HOXB7: variants seen among roughly 807,000 people sequenced by gnomAD.
HOXB7 encodes the protein homeobox protein Hox-B7.
HOXB7 carries 11 observed loss-of-function variants against 19.2 expected under a neutral mutation model. The observed-to-expected ratio is 0.57, with a 90% confidence interval of 0.36 to 0.95. The LOEUF (loss-of-function observed/expected upper bound fraction) is 0.95. Ranked by LOEUF, HOXB7 falls within the 40% of genes least tolerant of loss-of-function variation. The pLI is 0.01. For synonymous variants in HOXB7, 141 were observed against 130.2 expected (o/e 1.08, Z -0.56); for missense variants, 318 against 301.1 (o/e 1.06, Z -0.42).
At chr17:48,609,774 G>A (rs969558247) in intron 1 of HOXB7, among the ~76,000 whole-genome samples, 7 of 152,096 alleles carry the variant, frequency 4.6e-5, no homozygotes, top group Non-Finnish European at 8.8e-5. Flanking sequence ...GCCCTAGGAA[G>A]AGCACCTCAG....
In HOXB7 at chr17:48,610,812, G is replaced by T; in HGVS notation, c.107C>A (p.Ser36Tyr). ...TCCATAGCCCGGGCGCTGGGGGTTG[G>T]AAGCAAACGCACAAGAAGTTTGTTC... ...FPEQTSCAFA[S>Y]NPQRPGYGAG... The change falls in exon 1 of 2, where the codon TCC becomes TAC. Residue 36 changes from serine (S) to tyrosine (Y), a missense_variant. Coordinates refer to ENST00000239165, the MANE Select transcript of HOXB7 (RefSeq NM_004502.4). 1 of 1,592,746 alleles carries T rather than the reference G, an allele frequency of 6.3e-7. No homozygotes were observed. Among genetic ancestry groups the T allele is most frequent in the Non-Finnish European group, 8.5e-7 (1 of 1,170,464 alleles).
intron 1 of HOXB7, 21 bp from the exon 2 acceptor site, chr17:48,608,116 A>T: frequency 6.3e-7 from 1 of 1,599,452 alleles, no homozygotes; most frequent in Non-Finnish European, 8.6e-7. Flanking sequence ...TATTCAGAGG[A>T]AAATCAGTGA....
At position 48,607,700 on chromosome 17, in the gene HOXB7, A is replaced by AG. The variant is rs1567978730; in HGVS notation, c.*141dup. 11 of 726,928 alleles carry AG rather than the reference A, an allele frequency of 1.5e-5. No individual in the cohort carries two copies. Among genetic ancestry groups the AG allele is most frequent in the Middle Eastern group, 4.0e-4 (1 of 2,490 alleles). 45.0% of individuals were successfully genotyped at this position (726,928 alleles called of 1,614,324 possible). A position where few individuals can be genotyped will look rare whatever the true frequency, so the allele number is the denominator to read the frequency against. On this transcript the variant is annotated 3_prime_UTR_variant, in exon 2 of 2. Coordinates refer to ENST00000239165, the MANE Select transcript of HOXB7 (RefSeq NM_004502.4). ...GTTTTTAAACTCCTTTCATTTAAATAGGGTTTTTTTTTTGTTTTTTTTGTT... is the reference window on the plus strand; with the variant it reads ...GTTTTTAAACTCCTTTCATTTAAATAGGGGTTTTTTTTTTGTTTTTTTTGTT...
At chr17:48,608,875 C>T (rs1247009020) in intron 1 of HOXB7, among the ~76,000 whole-genome samples, 3 of 152,202 alleles carry the variant, frequency 2.0e-5, no homozygotes, top group Admixed American at 6.5e-5. Context: ...CCAGGCCTAG[C>T]TTAAGAACGT....
At chr17:48,609,301 G>A (rs2070619558) in intron 1 of HOXB7, among the ~76,000 whole-genome samples, 1 of 152,252 alleles carries the variant, frequency 6.6e-6, no homozygotes, top group South Asian at 2.1e-4. Context: ...AAGGGAGGAG[G>A]GGCTAGGGGC....
At chr17:48,608,345 A>G in intron 1 of HOXB7, 1 of 209,856 alleles carries the variant, frequency 4.8e-6, no homozygotes. Context: ...AATGGCGTGA[A>G]CCCGGGAGGC....
At chr17:48,608,511 G>A (rs187622945) in intron 1 of HOXB7, among the ~76,000 whole-genome samples, 79 of 151,190 alleles carry the variant, frequency 5.2e-4, no homozygotes, top group African/African-American at 1.8e-3. Flanking sequence ...GTCAATGGGC[G>A]ATGGGCAAAG....
Position 48,610,993 on chromosome 17 carries a change from T to C in HOXB7, c.-75A>G. 7.8e-7 allele frequency: 1 copy of C among 1,283,236 alleles called. No individual in the cohort carries two copies. The highest frequency in any genetic ancestry group is 1.0e-6 in the Non-Finnish European group (1 of 966,084). The allele number at this position is 1,283,236 out of a possible 1,614,324, so 79.5% of individuals were successfully genotyped here. On this transcript the variant is annotated 5_prime_UTR_variant, in exon 1 of 2. Coordinates refer to ENST00000239165, the MANE Select transcript of HOXB7 (RefSeq NM_004502.4). ...GAGATTCCTTGATATATTACAGAAT[T>C]AGAGTCCAGATTTACACCAAAAAGG... is the stretch of plus-strand genomic sequence containing the variant.
intron 1 of HOXB7, 94 bp from the exon 2 acceptor site, chr17:48,608,189 C>T: frequency 3.4e-6 from 5 of 1,469,158 alleles, no homozygotes; most frequent in Non-Finnish European, 4.6e-6. Flanking sequence ...TTTGGGAGAC[C>T]GAGGCGGGCG....
chr17:48,610,287 G>A (rs1267989514), intron 1 of HOXB7, among the ~76,000 whole-genome samples: 2 of 152,064 alleles, frequency 1.3e-5, no homozygotes, highest in African/African-American at 4.8e-5. Flanking sequence ...CAGCGCCGTG[G>A]TGCCGGCGAA....
chr17:48,609,809 C>A (rs999924208), intron 1 of HOXB7, among the ~76,000 whole-genome samples: 2 of 152,192 alleles, frequency 1.3e-5, no homozygotes, highest in Admixed American at 1.3e-4. Flanking sequence ...TCCCATGAAG[C>A]CTCTGCCCCT....
rs949317012 is a variant in HOXB7, at chr17:48,607,591, A to T, written c.*251T>A. 1 of 465,464 alleles carries T rather than the reference A, an allele frequency of 2.1e-6. No homozygotes were observed. Among genetic ancestry groups the T allele is most frequent in the Non-Finnish European group, 3.8e-6 (1 of 265,340 alleles). The allele number at this position is 465,464 out of a possible 1,614,324, so 28.8% of individuals were successfully genotyped here. ...TATCCTTTTCATATTGTACAAAAAA[A>T]CCAAACCTGACAGACTTTCCTATAG... is the stretch of plus-strand genomic sequence containing the variant. On this transcript the variant is annotated 3_prime_UTR_variant, in exon 2 of 2. Transcript: ENST00000239165.
At chr17:48,608,349 G>A (rs1030870090) in intron 1 of HOXB7, 6 of 248,114 alleles carry the variant, frequency 2.4e-5, no homozygotes, top group African/African-American at 9.1e-5. Flanking sequence ...GCGTGAACCC[G>A]GGAGGCAGAG....
chr17:48,610,284 G>T (rs2070629804), intron 1 of HOXB7, among the ~76,000 whole-genome samples: 1 of 152,108 alleles, frequency 6.6e-6, no homozygotes, highest in Non-Finnish European at 1.5e-5. Flanking sequence ...TCGCAGCGCC[G>T]TGGTGCCGGC....
chr17:48,608,588 TC>T (rs570197641), intron 1 of HOXB7, among the ~76,000 whole-genome samples: 22 of 152,192 alleles, frequency 1.4e-4, no homozygotes, highest in African/African-American at 4.3e-4. Flanking sequence ...AGCTGCAAAC[TC>T]CCCTAATTGC....
rs762648399 is a variant in HOXB7 at position 48,607,984 on chromosome 17, G to A, written c.512C>T (p.Ala171Val). The change falls in exon 2 of 2, where the codon GCG becomes GTG. Residue 171 changes from alanine (A) to valine (V), a missense_variant. Coordinates refer to ENST00000239165, the MANE Select transcript of HOXB7 (RefSeq NM_004502.4). ...YLTRRRRIEI[A>V]HTLCLTERQI... ...TCTTTCCGTGAGGCAGAGCGTGTGC[G>A]CGATCTCGATGCGCCGCCGCCGCGT... The A allele has an allele frequency of 5.6e-6, 9 of 1,614,124 alleles. No homozygotes were observed. The highest frequency in any genetic ancestry group is 7.6e-6 in the Non-Finnish European group (9 of 1,180,032).
Position 48,610,736 on chromosome 17 carries a change from G to C in HOXB7, c.183C>G (p.Gly61=), listed in dbSNP as rs1240156940. 1.9e-6 allele frequency: 3 copies of C among 1,598,686 alleles called. No homozygotes were observed. The South Asian group carries it at 3.3e-5, about 18-fold the overall frequency. The part of the protein sequence containing the change: ...FAASMQGLYP[G]GGGMAGQSAA... The stretch of plus-strand genomic sequence containing the variant: ...CGCTCTGGCCCGCCATGCCCCCCCC[G>C]CCGGGGTACAAGCCCTGCATCGAGG... Residue 61 remains glycine, a synonymous_variant, in exon 1 of 2, where the codon GGC becomes GGG. Transcript: ENST00000239165.
chr17:48,609,536 C>T (rs1192269142), intron 1 of HOXB7, among the ~76,000 whole-genome samples: 1 of 152,154 alleles, frequency 6.6e-6, no homozygotes, highest in African/African-American at 2.4e-5. Context: ...GGGGCTAGCC[C>T]CTAAGTTCGT....
In HOXB7 at chr17:48,607,711, T is replaced by G. The variant is rs1008472957; in HGVS notation, c.*131A>C. On this transcript the variant is annotated 3_prime_UTR_variant, in exon 2 of 2. Coordinates refer to ENST00000239165, the MANE Select transcript of HOXB7 (RefSeq NM_004502.4). ...CCTTTCATTTAAATAGGGTTTTTTT[T>G]TTGTTTTTTTTGTTTTTTGTTTTGT... The G allele has an allele frequency of 5.7e-6, 4 of 701,898 alleles. No individual in the cohort carries two copies. The highest frequency in any genetic ancestry group is 2.9e-5 in the South Asian group (1 of 34,444). 43.5% of individuals were successfully genotyped at this position (701,898 alleles called of 1,614,324 possible).
Sources: gnomAD v4.1 joint callset for allele counts (sites outside exome capture counted in the v4.1 genomes callset) on GRCh38, gnomAD v4.1.1 for gene constraint, MANE v1.5 for transcripts, NCBI Gene and HGNC (gene_info 2026-07-23, HGNC 2026-07-21) for gene names.